Variants in RAD51 observed in about 807,000 individuals in gnomAD.
RAD51 encodes the protein DNA repair protein RAD51 homolog 1.
Under a neutral mutation model 41.5 loss-of-function variants are expected in RAD51, and 14 were observed. The ratio of observed to expected loss-of-function variants is 0.34; its 90% CI spans 0.22 to 0.53. RAD51 has a LOEUF of 0.53. RAD51 is among the 20% of genes least tolerant of loss of function. The pLI, the probability that RAD51 is intolerant of heterozygous loss-of-function variation, is 0.95. For missense variants in RAD51, 234 were observed against 422.0 expected (o/e 0.55, Z 3.90); for synonymous variants, 136 against 148.6 (o/e 0.92, Z 0.62).
chr15:40,704,363 C>CT lies in RAD51; in HGVS notation c.226-1798dup, dbSNP rs1195606663. Among the ~76,000 whole-genome samples the CT allele has an allele frequency of 2.9e-3, 357 of 121,314 alleles. 1 individual carries two copies. The highest frequency in any genetic ancestry group is 7.4e-3 in the Middle Eastern group (1 of 136). 79.6% of individuals were successfully genotyped at this position (121,314 alleles called of 152,430 possible). A position where few individuals can be genotyped will look rare whatever the true frequency, so the allele number is the denominator to read the frequency against. ...ACAGTCGTGAGCCACCGCGCCAGGCCTTTTTTTTTTTTTTTTCTGATGCAG... is the reference window on the plus strand; with the variant it reads ...ACAGTCGTGAGCCACCGCGCCAGGCCTTTTTTTTTTTTTTTTTCTGATGCAG... On this transcript the variant is annotated intron_variant, in intron 3 of 9. Coordinates refer to ENST00000267868, the MANE Select transcript of RAD51 (RefSeq NM_002875.5).
At chr15:40,711,463 T>G (rs1203928154) in intron 5 of RAD51, among the ~76,000 whole-genome samples, 2 of 151,838 alleles carry the variant, frequency 1.3e-5, no homozygotes, top group Non-Finnish European at 2.9e-5. Context: ...CTTGAATGAG[T>G]GGAGATAATA....
intron 4 of RAD51, among the ~76,000 whole-genome samples, chr15:40,707,696 GT>G (rs935438661): frequency 1.3e-5 from 2 of 151,394 alleles, no homozygotes; most frequent in Middle Eastern, 3.4e-3. Context: ...AATTTCGTAT[GT>G]TTTTTTTTGT....
intron 1 of RAD51, among the ~76,000 whole-genome samples, chr15:40,698,250 A>G (rs1458364327): frequency 6.7e-6 from 1 of 149,998 alleles, no homozygotes; most frequent in Non-Finnish European, 1.5e-5. Flanking sequence ...GTACAGTGGC[A>G]CGATCTCGGC....
At chr15:40,698,637 AAG>A in intron 1 of RAD51, 118 bp from the exon 2 acceptor site, 1 of 907,528 alleles carries the variant, frequency 1.1e-6, no homozygotes, top group Non-Finnish European at 1.8e-6. Flanking sequence ...GAGGCACAAT[AAG>A]AGAATGGCCT....
chr15:40,718,922 A>G, intron 6 of RAD51, 23 bp downstream of exon 6: 1 of 1,559,916 alleles, frequency 6.4e-7, no homozygotes, highest in Non-Finnish European at 8.8e-7. Flanking sequence ...TTTAGATAAG[A>G]GAGACTATGG....
chr15:40,729,803 T>C (rs1896778274), intron 8 of RAD51, 50 bp from the exon 9 acceptor site: 3 of 1,614,048 alleles, frequency 1.9e-6, no homozygotes, highest in Middle Eastern at 1.7e-4. Flanking sequence ...GCATTAAGGC[T>C]TTTGGAGTGT....
chr15:40,716,613 G>A (rs567411490), intron 5 of RAD51, among the ~76,000 whole-genome samples: 188 of 150,124 alleles, frequency 1.3e-3, no homozygotes, highest in African/African-American at 4.5e-3. Context: ...TGATCCACTC[G>A]CTGGGATTAC....
At position 40,724,530 on chromosome 15, in the gene RAD51, G is replaced by C. The variant is rs1020261787; in HGVS notation, c.531-4181G>C. Among the ~76,000 whole-genome samples, 138 of 151,896 alleles carry C rather than the reference G, an allele frequency of 9.1e-4. 1 individual carries two copies. The highest frequency in any genetic ancestry group is 3.2e-3 in the African/African-American group (133 of 41,444). On this transcript the variant is annotated intron_variant, in intron 6 of 9. Transcript: ENST00000267868. ...TTTTGTTGTTTGTTTTTTTAGAGAC[G>C]GGTCTCACTCTGCCCCCACTAGAAT...
intron 1 of RAD51, among the ~76,000 whole-genome samples, chr15:40,697,145 G>C (rs537650772): frequency 6.6e-6 from 1 of 152,230 alleles, no homozygotes; most frequent in African/African-American, 2.4e-5. Context: ...TTGTTGCCCA[G>C]GCTGGAGTGC....
At chr15:40,701,673 TCCCCA>T (rs1434137366) in intron 3 of RAD51, 2 of 222,570 alleles carry the variant, frequency 9.0e-6, no homozygotes, top group Non-Finnish European at 1.8e-5. Flanking sequence ...CATACATACT[TCCCCA>T]TGGTTACATT....
chr15:40,706,116 A>T lies in RAD51; in HGVS notation c.226-61A>T, dbSNP rs564363018. The T allele has an allele frequency of 3.1e-6, 4 of 1,292,804 alleles. No homozygotes were observed. In the East Asian group the frequency reaches 9.2e-5, roughly 30 times the overall value. The allele number at this position is 1,292,804 out of a possible 1,614,324, so 80.1% of individuals were successfully genotyped here. ...TTTTCTTTATATATATTTTTTTGCCATCAAGATCACTGTGGTAAGGAATAT... is the reference window on the plus strand; with the variant it reads ...TTTTCTTTATATATATTTTTTTGCCTTCAAGATCACTGTGGTAAGGAATAT... On this transcript the variant is annotated intron_variant, in intron 3 of 9. Transcript: ENST00000267868.
Position 40,730,041 on chromosome 15 carries a change from T to C in RAD51, c.896+67T>C, listed in dbSNP as rs1029522555. 4.4e-6 allele frequency: 7 copies of C among 1,586,012 alleles called. No homozygotes were observed. The African/African-American group carries it at 6.7e-5, about 15-fold the overall frequency. ...TATTAACTGTGAAGACATGAAGATA[T>C]AACATTTTCATTTAAGCCCTGTTAA... On this transcript the variant is annotated intron_variant, in intron 9 of 9. Coordinates refer to ENST00000267868, the MANE Select transcript of RAD51 (RefSeq NM_002875.5).
intron 5 of RAD51, among the ~76,000 whole-genome samples, chr15:40,713,571 TC>T (rs1276573838): frequency 6.0e-5 from 9 of 150,916 alleles, no homozygotes; most frequent in Non-Finnish European, 1.3e-4. Context: ...TGTTTATTGC[TC>T]CACTGATATT....
intron 5 of RAD51, among the ~76,000 whole-genome samples, chr15:40,712,820 C>A (rs915008989): frequency 6.6e-6 from 1 of 150,606 alleles, no homozygotes; most frequent in African/African-American, 2.4e-5. Context: ...AAGAGGCTTC[C>A]TAGTGTTTTT....
At chr15:40,706,600 G>C (rs1246826995) in intron 4 of RAD51, among the ~76,000 whole-genome samples, 1 of 152,168 alleles carries the variant, frequency 6.6e-6, no homozygotes, top group Non-Finnish European at 1.5e-5. Flanking sequence ...TACTCGGGAG[G>C]CAGAGGCAGG....
At chr15:40,717,028 A>AAC (rs149259137) in intron 5 of RAD51, among the ~76,000 whole-genome samples, 3,949 of 152,114 alleles carry the variant, frequency 0.026, 165 homozygotes, top group African/African-American at 0.091. Flanking sequence ...GTAATTTCAA[A>AAC]AAAAAATTCT....
Position 40,708,887 on chromosome 15 carries a change from G to A in RAD51, c.344-138G>A, listed in dbSNP as rs905349312. ...CCACGGCTAGCCTCAAAATACATTT[G>A]TGAAAAATTATCGCTTGTTGGAAAT... On this transcript the variant is annotated intron_variant, in intron 4 of 9. Transcript: ENST00000267868. 14 of 816,160 alleles carry A rather than the reference G, an allele frequency of 1.7e-5. No individual in the cohort carries two copies. The East Asian group carries it at 3.5e-4, about 20-fold the overall frequency. The allele number at this position is 816,160 out of a possible 1,614,324, so 50.6% of individuals were successfully genotyped here. A position where few individuals can be genotyped will look rare whatever the true frequency, so the allele number is the denominator to read the frequency against.
At chr15:40,710,479 T>C (rs1260607321) in intron 5 of RAD51, among the ~76,000 whole-genome samples, 1 of 105,044 alleles carries the variant, frequency 9.5e-6, no homozygotes, top group African/African-American at 4.0e-5. Context: ...TCCAGCCTGG[T>C]CAAAGAAGCG....
At chr15:40,728,867 C>A in intron 7 of RAD51, 43 bp downstream of exon 7, 1 of 1,505,862 alleles carries the variant, frequency 6.6e-7, no homozygotes, top group South Asian at 1.1e-5. Context: ...CTTAAGAGTC[C>A]TTCCCTGAAT....
Sources: allele counts gnomAD v4.1 joint callset (sites outside exome capture counted in the v4.1 genomes callset), GRCh38; gene constraint gnomAD v4.1.1; transcripts MANE v1.5; gene names NCBI Gene and HGNC (gene_info 2026-07-23, HGNC 2026-07-21).